TWSG1: variants seen among roughly 807,000 people sequenced by gnomAD.
TWSG1 encodes the protein twisted gastrulation BMP signaling modulator 1, also known as twisted gastrulation protein homolog 1.
Under a neutral mutation model 23.0 loss-of-function variants are expected in TWSG1, and 15 were observed. The observed-to-expected ratio is 0.65, with a 90% CI of 0.44 to 1.00. The LOEUF is 1.00. Among genes scored for constraint, TWSG1 ranks in the 50% least tolerant of loss-of-function variants. TWSG1 has a pLI of 0.00. For missense variants in TWSG1, 242 were observed against 278.7 expected (o/e 0.87, Z 0.94); for synonymous variants, 86 against 92.8 (o/e 0.93, Z 0.42).
intron 3 of TWSG1, among the ~76,000 whole-genome samples, chr18:9,375,595 G>C (rs1003817460): frequency 2.0e-5 from 3 of 152,144 alleles, no homozygotes; most frequent in Non-Finnish European, 4.4e-5. Context: ...AAACCTGAAA[G>C]AATTGACCAA....
At chr18:9,349,783 T>C (rs2040493290) in intron 2 of TWSG1, among the ~76,000 whole-genome samples, 1 of 152,238 alleles carries the variant, frequency 6.6e-6, no homozygotes, top group Admixed American at 6.5e-5. Flanking sequence ...TTCTCTTTTC[T>C]CTCGTGAACA....
chr18:9,388,086 C>T (rs1390675314), intron 3 of TWSG1: 2 of 152,192 alleles, frequency 1.3e-5, no homozygotes, highest in African/African-American at 4.8e-5. Context: ...AATGAAGGAA[C>T]TGTATCAGTT....
chr18:9,381,347 T>C (rs1416812873), intron 3 of TWSG1, among the ~76,000 whole-genome samples: 1 of 152,210 alleles, frequency 6.6e-6, no homozygotes, highest in Non-Finnish European at 1.5e-5. Context: ...TTCAGTCTTT[T>C]GTGCTGTGTT....
At chr18:9,341,347 C>CT (rs1300540061) in intron 2 of TWSG1, among the ~76,000 whole-genome samples, 5 of 152,094 alleles carry the variant, frequency 3.3e-5, no homozygotes, top group Non-Finnish European at 7.4e-5. Flanking sequence ...GTCAAATGTT[C>CT]TCTTTTTTTC....
intron 3 of TWSG1, among the ~76,000 whole-genome samples, chr18:9,369,132 TAAATAAATAAAATA>T (rs941507837): frequency 2.5e-4 from 20 of 80,678 alleles, no homozygotes; most frequent in African/African-American, 9.4e-4. Flanking sequence ...AACAAACAAA[TAAATAAATAAAATA>T]AAATAAAATA....
At chr18:9,366,811 T>C (rs2040581047) in intron 3 of TWSG1, among the ~76,000 whole-genome samples, 1 of 152,192 alleles carries the variant, frequency 6.6e-6, no homozygotes, top group African/African-American at 2.4e-5. Flanking sequence ...TGACAAATAA[T>C]AGTATATATT....
At chr18:9,386,999 T>A (rs950095857) in intron 3 of TWSG1, among the ~76,000 whole-genome samples, 3 of 152,106 alleles carry the variant, frequency 2.0e-5, no homozygotes, top group Non-Finnish European at 4.4e-5. Context: ...TAGTAGAGGA[T>A]CAATCAAACA....
chr18:9,353,431 C>T (rs923076845), intron 2 of TWSG1, among the ~76,000 whole-genome samples: 13 of 152,146 alleles, frequency 8.5e-5, no homozygotes, highest in Non-Finnish European at 1.8e-4. Context: ...GCCAGACTTT[C>T]ATTTCATATA....
At chr18:9,338,012 GA>G (rs1281941534) in intron 2 of TWSG1, among the ~76,000 whole-genome samples, 1 of 152,206 alleles carries the variant, frequency 6.6e-6, no homozygotes, top group Middle Eastern at 3.2e-3. Context: ...AAAGTAAGAG[GA>G]AGTAATGTGG....
At chr18:9,378,843 T>A (rs1048892051) in intron 3 of TWSG1, among the ~76,000 whole-genome samples, 1 of 151,080 alleles carries the variant, frequency 6.6e-6, no homozygotes, top group Non-Finnish European at 1.5e-5. Context: ...TAGCTGGGCA[T>A]TGTGGCTCAC....
intron 2 of TWSG1, 79 bp downstream of exon 2, chr18:9,337,431 G>T: frequency 6.9e-7 from 1 of 1,451,340 alleles, no homozygotes; most frequent in Non-Finnish European, 9.4e-7. Flanking sequence ...GATATAGAGT[G>T]CATATATCAT....
rs1376362788 is a variant in TWSG1 at position 9,385,718 on chromosome 18, A to G, written c.224-10562A>G. Among the ~76,000 whole-genome samples, 31 of 150,872 alleles carry G rather than the reference A, an allele frequency of 2.1e-4. 6 individuals are homozygous for G. The East Asian group carries it at 3.3e-3, about 16-fold the overall frequency. ...CTCAAAAAAAAAAAAAAAAAAAAAA[A>G]AAAGAAAGAACGAAGTAAAAAGCAG... On this transcript the variant is annotated intron_variant, in intron 3 of 4. Coordinates refer to ENST00000262120, the MANE Select transcript of TWSG1 (RefSeq NM_020648.6).
chr18:9,362,213 A>G lies in TWSG1; in HGVS notation c.223+2142A>G, dbSNP rs538403578. Among the ~76,000 whole-genome samples the G allele has an allele frequency of 3.2e-4, 48 of 152,258 alleles. No individual in the cohort carries two copies. The South Asian group carries it at 3.5e-3, about 11-fold the overall frequency. ...ATCTTAATCTCTGATATACACACATAAGATTTTTTTTTGAGACAGGGTCTT... is the reference window on the plus strand; with the variant it reads ...ATCTTAATCTCTGATATACACACATGAGATTTTTTTTTGAGACAGGGTCTT... On this transcript the variant is annotated intron_variant, in intron 3 of 4. Coordinates refer to ENST00000262120, the MANE Select transcript of TWSG1 (RefSeq NM_020648.6).
intron 3 of TWSG1, among the ~76,000 whole-genome samples, chr18:9,384,450 G>A (rs1416244480): frequency 1.3e-5 from 2 of 152,180 alleles, no homozygotes; most frequent in Admixed American, 6.5e-5. Context: ...ACTCCTTCAA[G>A]TTAATGTGAC....
In TWSG1 at chr18:9,401,115, T is replaced by C. The variant is rs1229491513; in HGVS notation, c.*1588T>C. 6.6e-6 allele frequency: 1 copy of C among 152,248 alleles called. No individual in the cohort carries two copies. Among genetic ancestry groups the C allele is most frequent in the Non-Finnish European group, 1.5e-5 (1 of 68,042 alleles). 9.4% of individuals were successfully genotyped at this position (152,248 alleles called of 1,614,324 possible). On this transcript the variant is annotated 3_prime_UTR_variant, in exon 5 of 5. Transcript: ENST00000262120. The stretch of plus-strand genomic sequence containing the variant: ...TGCTCTTTCAAATAACTCTAATGAA[T>C]ATTCAAGATATTTTAGCCTTTTAAA...
intron 3 of TWSG1, among the ~76,000 whole-genome samples, chr18:9,365,401 G>A (rs62087472): frequency 0.11 from 16,829 of 152,142 alleles, 1,128 homozygotes; most frequent in Middle Eastern, 0.26. Flanking sequence ...TTGCCTGAGC[G>A]CAGTTGCTCG....
chr18:9,387,840 C>T (rs886885353), intron 3 of TWSG1, among the ~76,000 whole-genome samples: 1 of 151,318 alleles, frequency 6.6e-6, no homozygotes, highest in Non-Finnish European at 1.5e-5. Flanking sequence ...CAGTGTCAAT[C>T]TGTAAAAAAA....
At position 9,400,184 on chromosome 18, in the gene TWSG1, C is replaced by T. The variant is rs2040756372; in HGVS notation, c.*657C>T. The stretch of plus-strand genomic sequence containing the variant: ...AGCTTTAGAGAAAGTTTCCTATTCT[C>T]TTCCATTTCCCCTGCCCAAAGTGCT... On this transcript the variant is annotated 3_prime_UTR_variant, in exon 5 of 5. Coordinates refer to ENST00000262120, the MANE Select transcript of TWSG1 (RefSeq NM_020648.6). 1 of 152,198 alleles carries T rather than the reference C, an allele frequency of 6.6e-6. No individual in the cohort carries two copies. Among genetic ancestry groups the T allele is most frequent in the African/African-American group, 2.4e-5 (1 of 41,430 alleles). 9.4% of individuals were successfully genotyped at this position (152,198 alleles called of 1,614,324 possible).
chr18:9,340,519 G>T (rs530598733), intron 2 of TWSG1, among the ~76,000 whole-genome samples: 3 of 152,208 alleles, frequency 2.0e-5, no homozygotes, highest in African/African-American at 7.2e-5. Flanking sequence ...AACTCTAGCA[G>T]ATTATTTCAC....
Sources: gnomAD v4.1 joint callset for allele counts (sites outside exome capture counted in the v4.1 genomes callset) on GRCh38, gnomAD v4.1.1 for gene constraint, MANE v1.5 for transcripts, NCBI Gene and HGNC (gene_info 2026-07-23, HGNC 2026-07-21) for gene names.